SPTA1: variants seen among roughly 807,000 people sequenced by gnomAD.
SPTA1 encodes the protein spectrin alpha chain, erythrocytic 1.
A neutral mutation model predicts 324.7 loss-of-function variants in SPTA1; 177 were observed. The observed-to-expected ratio is 0.55, with a 90% CI of 0.48 to 0.62. SPTA1 has a LOEUF of 0.62. Among genes scored for constraint, SPTA1 ranks in the 20% least tolerant of loss-of-function variants. The pLI is 0.00. For synonymous variants in SPTA1, 1,195 were observed against 1,041.3 expected (o/e 1.15, Z -2.84); for missense variants, 3,162 against 2,883.6 (o/e 1.10, Z -2.21).
chr1:158,657,728 C>T (rs1652930955), intron 18 of SPTA1, 34 bp from the exon 19 acceptor site: 3 of 1,595,254 alleles, frequency 1.9e-6, no homozygotes, highest in Non-Finnish European at 2.6e-6. Context: ...TGAGTATGAT[C>T]CTCATGAGTG....
chr1:158,643,268 A>G (rs1651749696), intron 31 of SPTA1, 54 bp downstream of exon 31: 4 of 1,587,096 alleles, frequency 2.5e-6, no homozygotes, highest in African/African-American at 1.3e-5. Context: ...GCTAGCAAAA[A>G]GGTCAGTTTG....
chr1:158,643,013 C>T (rs370767824), intron 31 of SPTA1, 37 bp from the exon 32 acceptor site: 13 of 1,612,140 alleles, frequency 8.1e-6, no homozygotes, highest in African/African-American at 5.3e-5. Flanking sequence ...TGCCCTCCTC[C>T]ACCCTTCCCA....
chr1:158,643,271 T>G (rs760517777), intron 31 of SPTA1, 51 bp downstream of exon 31: 2 of 1,594,396 alleles, frequency 1.3e-6, no homozygotes, highest in Non-Finnish European at 8.6e-7. Context: ...AGCAAAAAGG[T>G]CAGTTTGCTA....
chr1:158,662,041 T>A (rs895056837), intron 17 of SPTA1, among the ~76,000 whole-genome samples: 2 of 152,212 alleles, frequency 1.3e-5, no homozygotes, highest in Non-Finnish European at 2.9e-5. Context: ...AAACTTTCTT[T>A]CTTACTACTT....
At position 158,686,642 on chromosome 1, in the gene SPTA1, G is replaced by GGA. The variant is rs59027997; in HGVS notation, c.-126_-125insTC. On this transcript the variant is annotated 5_prime_UTR_variant, in exon 1 of 52. It removes the in-frame stop codon of an upstream open reading frame in the 5' UTR. Transcript: ENST00000643759. ...ATATAGAAACGTTAAGTATGTGGGGGAAAAAAAAAAACCTCTTGCTTGGTC... is the reference window on the plus strand; with the variant it reads ...ATATAGAAACGTTAAGTATGTGGGGGGAAAAAAAAAAAACCTCTTGCTTGGTC... 0.023 allele frequency: 12,688 copies of GGA among 559,270 alleles called. 1,105 individuals carry two copies. Among genetic ancestry groups the GGA allele is most frequent in the African/African-American group, 0.22 (11,231 of 51,420 alleles). 34.6% of individuals were successfully genotyped at this position (559,270 alleles called of 1,614,324 possible). A position where few individuals can be genotyped will look rare whatever the true frequency, so the allele number is the denominator to read the frequency against.
chr1:158,635,881 G>A lies in SPTA1; in HGVS notation c.5432+32C>T, dbSNP rs149757783. 1.9e-6 allele frequency: 3 copies of A among 1,614,074 alleles called. 1 individual carries two copies. Among genetic ancestry groups the A allele is most frequent in the Admixed American group, 3.3e-5 (2 of 59,988 alleles). ...CACCTGCCCAATATCCAAAATCCAG[G>A]AAGGGAACTGGGCCTTCTGTATCCC... is the stretch of plus-strand genomic sequence containing the variant. On this transcript the variant is annotated intron_variant, in intron 38 of 51. Coordinates refer to ENST00000643759, the MANE Select transcript of SPTA1 (RefSeq NM_003126.4).
intron 31 of SPTA1, 134 bp downstream of exon 31, chr1:158,643,188 C>CCT: frequency 8.1e-7 from 1 of 1,230,870 alleles, no homozygotes; most frequent in Non-Finnish European, 1.2e-6. Flanking sequence ...GTCAGAAAGT[C>CCT]TGCATAGGTG....
At chr1:158,655,401 C>T (rs1652759974) in intron 20 of SPTA1, among the ~76,000 whole-genome samples, 1 of 152,144 alleles carries the variant, frequency 6.6e-6, no homozygotes, top group Admixed American at 6.5e-5. Context: ...AGAAATCAAG[C>T]AAAACATAAC....
chr1:158,645,142 G>A lies in SPTA1; in HGVS notation c.4194+46C>T, dbSNP rs781350619. On this transcript the variant is annotated intron_variant, in intron 29 of 51. Transcript: ENST00000643759. Reference sequence around the variant, plus strand: ...AATGACCATATGAAATTGCATAGGAGAAACAGACTACTGAACCTGCTTAAC... The same window carrying A: ...AATGACCATATGAAATTGCATAGGAAAAACAGACTACTGAACCTGCTTAAC... 7 of 1,603,020 alleles carry A rather than the reference G, an allele frequency of 4.4e-6. No individual in the cohort carries two copies. The South Asian group carries it at 6.6e-5, about 15-fold the overall frequency.
intron 51 of SPTA1, chr1:158,611,837 C>T (rs1458477591): frequency 2.2e-5 from 4 of 178,606 alleles, no homozygotes; most frequent in Non-Finnish European, 4.7e-5. Flanking sequence ...ACCTATGATC[C>T]TCTTATGCCA....
chr1:158,618,359 G>A (rs779838760), intron 45 of SPTA1, among the ~76,000 whole-genome samples: 1 of 152,184 alleles, frequency 6.6e-6, no homozygotes, highest in Non-Finnish European at 1.5e-5. Context: ...AGAGAAGGGT[G>A]TTCTGTGTCT....
At chr1:158,681,483 G>C in intron 4 of SPTA1, 44 bp downstream of exon 4, 2 of 1,613,156 alleles carry the variant, frequency 1.2e-6, no homozygotes, top group Non-Finnish European at 1.7e-6. Context: ...ACCTGGGACA[G>C]AGGAGTGGGA....
At chr1:158,653,786 G>A (rs1571460523) in intron 21 of SPTA1, among the ~76,000 whole-genome samples, 1 of 147,904 alleles carries the variant, frequency 6.8e-6, no homozygotes, top group East Asian at 1.9e-4. Flanking sequence ...CTGTGTAAGA[G>A]GATATTGCAC....
rs545861298 is a variant in SPTA1 at position 158,674,425 on chromosome 1, C to T, written c.1254G>A (p.Glu418=). 4.3e-6 allele frequency: 7 copies of T among 1,614,110 alleles called. No homozygotes were observed. The African/African-American group carries it at 8.0e-5, about 18-fold the overall frequency. The change falls in exon 10 of 52, where the codon GAG becomes GAA. Residue 418 remains glutamate (E), a synonymous_variant. Coordinates refer to ENST00000643759, the MANE Select transcript of SPTA1 (RefSeq NM_003126.4). ...GAAATCGGTCATCGTAAGAGTCAATCTCATGCTGTGGCCACAAAACAAAGT... is the reference window on the plus strand; with the variant it reads ...GAAATCGGTCATCGTAAGAGTCAATTTCATGCTGTGGCCACAAAACAAAGT... ...LLDRHQQHKH[E]IDSYDDRFQS... is the part of the protein sequence containing the mutation.
At position 158,653,327 on chromosome 1, in the gene SPTA1, C is replaced by T. The variant is rs1397039292; in HGVS notation, c.3135G>A (p.Arg1045=). The change falls in exon 22 of 52, where the codon CGG becomes CGA. Residue 1045 remains arginine, a synonymous_variant. Coordinates refer to ENST00000643759, the MANE Select transcript of SPTA1 (RefSeq NM_003126.4). The part of the protein sequence containing the change: ...AHDEFPMLPQ[R]RREEPGNITQ... ...TGATGTTTCCTGGCTCTTCTCGTCGCCGCTGTGGGAGCATCGGGAACTCAT... is the reference window on the plus strand; with the variant it reads ...TGATGTTTCCTGGCTCTTCTCGTCGTCGCTGTGGGAGCATCGGGAACTCAT... 2 of 1,613,980 alleles carry T rather than the reference C, an allele frequency of 1.2e-6. No individual in the cohort carries two copies. Among genetic ancestry groups the T allele is most frequent in the Non-Finnish European group, 1.7e-6 (2 of 1,180,014 alleles).
In SPTA1 at chr1:158,627,529, A is replaced by G. The variant is rs1376552264; in HGVS notation, c.5664+96T>C. On this transcript the variant is annotated intron_variant, in intron 40 of 51. Coordinates refer to ENST00000643759, the MANE Select transcript of SPTA1 (RefSeq NM_003126.4). ...TTGTTAAAGTTCTGCATATGATCTTAGCACTGCTCTCTGCATATGATCTTA... is the reference window on the plus strand; with the variant it reads ...TTGTTAAAGTTCTGCATATGATCTTGGCACTGCTCTCTGCATATGATCTTA... 3 of 1,185,088 alleles carry G rather than the reference A, an allele frequency of 2.5e-6. No homozygotes were observed. The East Asian group carries it at 7.0e-5, about 28-fold the overall frequency. The allele number at this position is 1,185,088 out of a possible 1,614,324, so 73.4% of individuals were successfully genotyped here. A position where few individuals can be genotyped will look rare whatever the true frequency, so the allele number is the denominator to read the frequency against.
Position 158,680,871 on chromosome 1 carries a change from G to T in SPTA1, c.532-142C>A. 4 of 1,096,172 alleles carry T rather than the reference G, an allele frequency of 3.6e-6. No homozygotes were observed. The Admixed American group carries it at 8.1e-5, about 22-fold the overall frequency. 67.9% of individuals were successfully genotyped at this position (1,096,172 alleles called of 1,614,324 possible). A position where few individuals can be genotyped will look rare whatever the true frequency, so the allele number is the denominator to read the frequency against. ...ACTGGGAGAAGCTCTCCTGGAAAAG[G>T]CCAGCAGCAGAAGTATATTTGTTAA... On this transcript the variant is annotated intron_variant, in intron 4 of 51. Transcript: ENST00000643759.
At chr1:158,683,250 G>T in intron 3 of SPTA1, 121 bp downstream of exon 3, 3 of 1,409,302 alleles carry the variant, frequency 2.1e-6, no homozygotes, top group Non-Finnish European at 3.0e-6. Flanking sequence ...CCCAGGGGAA[G>T]ATAAGAGGCA....
chr1:158,659,503 G>T lies in SPTA1; in HGVS notation c.2587+1784C>A, dbSNP rs573420636. On this transcript the variant is annotated intron_variant, in intron 18 of 51. Transcript: ENST00000643759. Reference sequence around the variant, plus strand: ...AGCATATACTCCATTAGACAGAACAGTGACATCATCACCCATCTCTAGGCT... The same window carrying T: ...AGCATATACTCCATTAGACAGAACATTGACATCATCACCCATCTCTAGGCT... Among the ~76,000 whole-genome samples, 4 of 151,362 alleles carry T rather than the reference G, an allele frequency of 2.6e-5. No homozygotes were observed. The East Asian group carries it at 7.8e-4, about 29-fold the overall frequency.
Sources: gnomAD v4.1 joint callset for allele counts (sites outside exome capture counted in the v4.1 genomes callset) on GRCh38, gnomAD v4.1.1 for gene constraint, MANE v1.5 for transcripts, NCBI Gene and HGNC (gene_info 2026-07-23, HGNC 2026-07-21) for gene names.